The following PPP4R4 variants were observed in gnomAD, a reference collection of about 807,000 sequenced individuals.
PPP4R4 encodes protein phosphatase 4 regulatory subunit 4, also known as serine/threonine-protein phosphatase 4 regulatory subunit 4.
PPP4R4 carries 70 observed loss-of-function variants against 121.8 expected under a neutral mutation model. The ratio of observed to expected loss-of-function variants is 0.57; its 90% CI spans 0.47 to 0.70. The LOEUF is 0.70. PPP4R4 is among the 30% of genes least tolerant of loss of function. The pLI is 0.00. For synonymous variants in PPP4R4, 348 were observed against 355.7 expected, an observed-to-expected ratio of 0.98 and a Z score of 0.24; for missense variants, 875 against 1,033.6, an observed-to-expected ratio of 0.85 and a Z score of 2.10.
intron 19 of PPP4R4, among the ~76,000 whole-genome samples, chr14:94,263,910 GAA>G (rs59755509): frequency 0.2 from 31,018 of 151,860 alleles, 3,664 homozygotes; most frequent in East Asian, 0.59. Context: ...CATTTGAAAA[GAA>G]TATTTATTCT....
intron 23 of PPP4R4, among the ~76,000 whole-genome samples, chr14:94,273,044 T>A (rs1434972875): frequency 6.6e-6 from 1 of 152,198 alleles, no homozygotes; most frequent in Non-Finnish European, 1.5e-5. Context: ...CTGGTGGGAA[T>A]ACAAAATGGT....
chr14:94,205,937 G>A (rs2139443354), intron 2 of PPP4R4, among the ~76,000 whole-genome samples: 1 of 152,124 alleles, frequency 6.6e-6, no homozygotes, highest in East Asian at 1.9e-4. Flanking sequence ...TGAATGGAAT[G>A]TGTATTCTGC....
intron 11 of PPP4R4, among the ~76,000 whole-genome samples, chr14:94,243,948 T>G (rs1055577742): frequency 2.6e-5 from 4 of 151,392 alleles, no homozygotes; most frequent in African/African-American, 9.8e-5. Context: ...GCAAAGAATT[T>G]TAAAACACTT....
At chr14:94,215,421 C>A (rs968807674) in intron 3 of PPP4R4, among the ~76,000 whole-genome samples, 7 of 152,170 alleles carry the variant, frequency 4.6e-5, no homozygotes, top group Non-Finnish European at 7.4e-5. Context: ...GATCTGTCTT[C>A]CTCACTGAAG....
chr14:94,229,544 A>G (rs1485558718), intron 3 of PPP4R4, among the ~76,000 whole-genome samples: 2 of 152,238 alleles, frequency 1.3e-5, no homozygotes, highest in East Asian at 1.9e-4. Flanking sequence ...TGGATATACA[A>G]TAGTAATTAT....
rs151037928 is a variant in PPP4R4 at position 94,229,340 on chromosome 14, G to A, written c.295-1247G>A. Among the ~76,000 whole-genome samples, 457 of 152,176 alleles carry A rather than the reference G, an allele frequency of 3.0e-3. 2 individuals are homozygous for A. Among genetic ancestry groups the A allele is most frequent in the Non-Finnish European group, 5.1e-3 (345 of 67,996 alleles). ...GATTTATTGGTCTTTTGACTGTGGG[G>A]AGTGAGGGAATGAGAGGAGTTAAGG... On this transcript the variant is annotated intron_variant, in intron 3 of 24. Transcript: ENST00000304338.
intron 15 of PPP4R4, among the ~76,000 whole-genome samples, chr14:94,251,307 C>T (rs1222438414): frequency 1.3e-5 from 2 of 151,990 alleles, no homozygotes; most frequent in African/African-American, 4.8e-5. Flanking sequence ...AGAAGTTATA[C>T]AGAGCTGTGT....
At chr14:94,263,436 A>G (rs1893883826) in intron 19 of PPP4R4, among the ~76,000 whole-genome samples, 1 of 152,142 alleles carries the variant, frequency 6.6e-6, no homozygotes, top group Non-Finnish European at 1.5e-5. Flanking sequence ...TTCCAATATT[A>G]TATTTTTCAG....
intron 13 of PPP4R4, 61 bp from the exon 14 acceptor site, chr14:94,246,292 CTGAG>C: frequency 7.1e-7 from 1 of 1,400,464 alleles, no homozygotes; most frequent in East Asian, 2.4e-5. Context: ...TGTTATAAGA[CTGAG>C]TAATTTTACT....
At chr14:94,256,398 T>G (rs1893474365) in intron 16 of PPP4R4, 62 bp from the exon 17 acceptor site, 26 of 1,386,352 alleles carry the variant, frequency 1.9e-5, no homozygotes, top group Non-Finnish European at 2.6e-5. Context: ...TGATTTTTGT[T>G]TTATGTTTCT....
At chr14:94,231,354 A>G in intron 5 of PPP4R4, 39 bp downstream of exon 5, 1 of 1,491,606 alleles carries the variant, frequency 6.7e-7, no homozygotes, top group East Asian at 2.3e-5. Context: ...TAAGTAAGTC[A>G]CTCTAAGGTT....
chr14:94,208,243 A>G (rs1024599199), intron 2 of PPP4R4, among the ~76,000 whole-genome samples: 1 of 152,076 alleles, frequency 6.6e-6, no homozygotes, highest in Admixed American at 6.6e-5. Context: ...CAGCACAAGC[A>G]TAATTAATAT....
At position 94,241,959 on chromosome 14, in the gene PPP4R4, T is replaced by C. The variant is rs1276722356; in HGVS notation, c.1146+2T>C. 6.3e-7 allele frequency: 1 copy of C among 1,577,106 alleles called. No individual in the cohort carries two copies. ...AAGAACTGTGCTTATAACTTTCCGG[T>C]AATAAATATGTATTTATATTTACTG... On this transcript the variant is annotated splice_donor_variant, in intron 10 of 24. Transcript: ENST00000304338. LOFTEE classifies it high-confidence loss of function.
chr14:94,234,752 A>T, intron 7 of PPP4R4, 83 bp downstream of exon 7: 1 of 937,402 alleles, frequency 1.1e-6, no homozygotes, highest in Non-Finnish European at 1.7e-6. Context: ...AAATGATCAT[A>T]ACAAGTACCT....
intron 8 of PPP4R4, 28 bp downstream of exon 8, chr14:94,237,714 C>T (rs1321853316): frequency 8.7e-6 from 14 of 1,600,920 alleles, no homozygotes; most frequent in African/African-American, 2.7e-5. Flanking sequence ...ATCTTTGCTT[C>T]TGAAAACAGT....
At position 94,175,741 on chromosome 14, in the gene PPP4R4, T is replaced by G. The variant is rs138436054; in HGVS notation, c.118-313T>G. ...GAGATAAAAAGTGTGTGTATTCGTT[T>G]TATAACATGCGTATGAAATGGATTT... On this transcript the variant is annotated intron_variant, in intron 1 of 24. Transcript: ENST00000304338. 3.7e-4 allele frequency: 142 copies of G among 387,832 alleles called. No individual in the cohort carries two copies. The East Asian group carries it at 5.9e-3, about 16-fold the overall frequency. The allele number at this position is 387,832 out of a possible 1,614,324, so 24.0% of individuals were successfully genotyped here. A position where few individuals can be genotyped will look rare whatever the true frequency, so the allele number is the denominator to read the frequency against.
intron 15 of PPP4R4, among the ~76,000 whole-genome samples, chr14:94,250,902 A>G (rs1000043175): frequency 5.3e-5 from 8 of 152,016 alleles, no homozygotes; most frequent in African/African-American, 1.9e-4. Flanking sequence ...TTACCAAACT[A>G]TATTATCCAG....
intron 23 of PPP4R4, among the ~76,000 whole-genome samples, chr14:94,274,892 G>A (rs1894550128): frequency 1.3e-5 from 2 of 152,170 alleles, no homozygotes; most frequent in South Asian, 4.1e-4. Context: ...AAATAGAAAT[G>A]TCTATCAACA....
intron 3 of PPP4R4, among the ~76,000 whole-genome samples, chr14:94,209,078 A>G (rs1371211484): frequency 6.6e-6 from 1 of 151,930 alleles, no homozygotes; most frequent in Non-Finnish European, 1.5e-5. Context: ...ATGAACAAAA[A>G]TGTTTGATCT....
Sources: gnomAD v4.1 joint callset for allele counts (sites outside exome capture counted in the v4.1 genomes callset) on GRCh38, gnomAD v4.1.1 for gene constraint, MANE v1.5 for transcripts, NCBI Gene and HGNC (gene_info 2026-07-23, HGNC 2026-07-21) for gene names.